The following PDE4B variants were observed in gnomAD, a reference collection of about 807,000 sequenced individuals.
PDE4B encodes 3',5'-cyclic-AMP phosphodiesterase 4B.
In PDE4B, 20 loss-of-function variants were observed where a neutral mutation model predicts 82.2. That is an observed-to-expected ratio of 0.24 (90% CI 0.17 to 0.35). The LOEUF is 0.35. Ranked by LOEUF, PDE4B falls within the 10% of genes least tolerant of loss-of-function variation. The pLI is 1.00. For missense variants in PDE4B, 655 were observed against 907.2 expected, an observed-to-expected ratio of 0.72 and a Z score of 3.57; for synonymous variants, 320 against 318.9, an observed-to-expected ratio of 1.00 and a Z score of -0.04.
In PDE4B at chr1:66,247,638, T is replaced by A; in HGVS notation, c.460T>A (p.Ser154Thr). The A allele has an allele frequency of 6.3e-7, 1 of 1,591,444 alleles. No homozygotes were observed. The highest frequency in any genetic ancestry group is 1.1e-5 in the South Asian group (1 of 87,984). ...LSPKAMSRNS[S>T]LPSEQHGDDL... Reference sequence around the variant, plus strand: ...ACCAAAGGCGATGTCGAGAAACTCTTCTCTTCCAAGCGAGCAGTAAGTACA... The same window carrying A: ...ACCAAAGGCGATGTCGAGAAACTCTACTCTTCCAAGCGAGCAGTAAGTACA... The change falls in exon 4 of 17, where the codon TCT becomes ACT. Residue 154 changes from serine (S) to threonine (T), a missense_variant. Coordinates refer to ENST00000341517, the MANE Select transcript of PDE4B (RefSeq NM_002600.4).
intron 3 of PDE4B, among the ~76,000 whole-genome samples, chr1:65,936,357 A>G (rs1263247259): frequency 1.3e-5 from 2 of 152,172 alleles, no homozygotes; most frequent in African/African-American, 2.4e-5. Flanking sequence ...CAGCATCACC[A>G]CCACAAGCAC....
At chr1:65,970,957 G>A (rs1314350954) in intron 3 of PDE4B, among the ~76,000 whole-genome samples, 1 of 151,390 alleles carries the variant, frequency 6.6e-6, no homozygotes, top group Non-Finnish European at 1.5e-5. Flanking sequence ...CCTCAAATAA[G>A]AAAGGATAGG....
chr1:66,079,685 T>C (rs906285980), intron 3 of PDE4B, among the ~76,000 whole-genome samples: 1 of 152,158 alleles, frequency 6.6e-6, no homozygotes, highest in African/African-American at 2.4e-5. Flanking sequence ...GGCTCTTTGA[T>C]ATTATTTGAA....
intron 8 of PDE4B, among the ~76,000 whole-genome samples, chr1:66,342,844 G>T (rs1465678100): frequency 1.3e-5 from 2 of 152,174 alleles, no homozygotes; most frequent in East Asian, 3.8e-4. Context: ...AGGAGTTCAA[G>T]ATCAGCCTGG....
rs373119958 is a variant in PDE4B, at chr1:66,095,460, G to A, written c.282-152000G>A. On this transcript the variant is annotated intron_variant, in intron 3 of 16. Transcript: ENST00000341517. The stretch of plus-strand genomic sequence containing the variant: ...GGAACTGTGTCACATAGCTAATAGT[G>A]GAATACCTGGGATACAAATCAGGTT... 2.9e-4 allele frequency among the ~76,000 whole-genome samples: 44 copies of A among 151,902 alleles called. No individual in the cohort carries two copies. The South Asian group carries it at 9.1e-3, about 32-fold the overall frequency.
chr1:65,894,249 T>G (rs535954330), intron 1 of PDE4B, among the ~76,000 whole-genome samples: 1 of 152,256 alleles, frequency 6.6e-6, no homozygotes, highest in East Asian at 1.9e-4. Context: ...AGTCCAGAAA[T>G]AATTCCATGC....
At chr1:66,129,465 G>A (rs1009294099) in intron 3 of PDE4B, among the ~76,000 whole-genome samples, 5 of 151,298 alleles carry the variant, frequency 3.3e-5, no homozygotes, top group Admixed American at 2.6e-4. Flanking sequence ...AGACCATCCC[G>A]GCTAAAACGG....
intron 3 of PDE4B, among the ~76,000 whole-genome samples, chr1:65,923,311 A>G (rs1366482033): frequency 6.6e-6 from 1 of 152,236 alleles, no homozygotes; most frequent in Non-Finnish European, 1.5e-5. Flanking sequence ...CCAAATTTAG[A>G]TAATAAGCCA....
chr1:66,256,724 G>A (rs1460121271), intron 4 of PDE4B, among the ~76,000 whole-genome samples: 1 of 152,178 alleles, frequency 6.6e-6, no homozygotes, highest in African/African-American at 2.4e-5. Context: ...CACTAATGTA[G>A]TTAACAAAGA....
intron 3 of PDE4B, among the ~76,000 whole-genome samples, chr1:66,067,967 T>G (rs930384351): frequency 1.4e-5 from 2 of 145,376 alleles, no homozygotes; most frequent in Non-Finnish European, 3.0e-5. Flanking sequence ...GGGGGAGAGA[T>G]AGCATTAGGA....
intron 3 of PDE4B, among the ~76,000 whole-genome samples, chr1:66,106,518 A>C (rs1253022631): frequency 6.6e-6 from 1 of 150,720 alleles, no homozygotes; most frequent in Non-Finnish European, 1.5e-5. Context: ...GAATCATACC[A>C]GTTCCACCTT....
chr1:66,139,421 C>T (rs1019683432), intron 3 of PDE4B, among the ~76,000 whole-genome samples: 2 of 152,020 alleles, frequency 1.3e-5, no homozygotes, highest in East Asian at 2.0e-4. Context: ...AGCAAAGGCA[C>T]GCCCTTCTAA....
chr1:66,201,164 G>A (rs1570455831), intron 3 of PDE4B, among the ~76,000 whole-genome samples: 1 of 152,200 alleles, frequency 6.6e-6, no homozygotes, highest in South Asian at 2.1e-4. Context: ...ATTTGTGCAT[G>A]TTGAGCCAGC....
intron 1 of PDE4B, among the ~76,000 whole-genome samples, chr1:65,893,372 A>G (rs1646872827): frequency 6.6e-6 from 1 of 152,134 alleles, no homozygotes; most frequent in Non-Finnish European, 1.5e-5. Context: ...CAAACATGAA[A>G]AAATGCTCAA....
chr1:65,952,505 TC>T (rs769602533), intron 3 of PDE4B, among the ~76,000 whole-genome samples: 22 of 151,654 alleles, frequency 1.5e-4, no homozygotes, highest in African/African-American at 5.1e-4. Flanking sequence ...ACATGCTGAA[TC>T]CCCATCTCTA....
intron 1 of PDE4B, among the ~76,000 whole-genome samples, chr1:65,883,842 A>ATT (rs903448699): frequency 9.0e-4 from 137 of 152,220 alleles, no homozygotes; most frequent in African/African-American, 3.1e-3. Context: ...TCAATACCTA[A>ATT]TTTATTGAGA....
At chr1:66,082,332 A>T (rs1004607750) in intron 3 of PDE4B, among the ~76,000 whole-genome samples, 16 of 152,162 alleles carry the variant, frequency 1.1e-4, no homozygotes, top group Non-Finnish European at 2.1e-4. Flanking sequence ...ACCTAAGTGA[A>T]TACCTACCTG....
chr1:65,914,727 T>G lies in PDE4B; in HGVS notation c.42+1371T>G, dbSNP rs1377303370. ...TTCCATACGGACAAACCATTAGTTCTTTCTCATTGCATCCTTAGAATAATA... is the reference window on the plus strand; with the variant it reads ...TTCCATACGGACAAACCATTAGTTCGTTCTCATTGCATCCTTAGAATAATA... On this transcript the variant is annotated intron_variant, in intron 2 of 16. Coordinates refer to ENST00000341517, the MANE Select transcript of PDE4B (RefSeq NM_002600.4). Among the ~76,000 whole-genome samples the G allele has an allele frequency of 3.3e-5, 5 of 152,144 alleles. No individual in the cohort carries two copies. In the East Asian group the frequency reaches 7.7e-4, roughly 23 times the overall value.
chr1:66,301,527 C>G (rs180852891), intron 7 of PDE4B, among the ~76,000 whole-genome samples: 1 of 150,634 alleles, frequency 6.6e-6, no homozygotes, highest in Non-Finnish European at 1.5e-5. Context: ...AAAGCAGGGG[C>G]GAGACCACCA....
Sources: gnomAD v4.1 joint callset for allele counts (sites outside exome capture counted in the v4.1 genomes callset) on GRCh38, gnomAD v4.1.1 for gene constraint, MANE v1.5 for transcripts, NCBI Gene and HGNC (gene_info 2026-07-23, HGNC 2026-07-21) for gene names.